Variants in AP3M2 observed in about 807,000 individuals in gnomAD.
The protein encoded by AP3M2 is AP-3 complex subunit mu-2.
A neutral mutation model predicts 41.6 loss-of-function variants in AP3M2; 28 were observed. That is an observed-to-expected ratio of 0.67 (90% CI 0.50 to 0.92). The LOEUF is 0.92. AP3M2 is among the 40% of genes least tolerant of loss of function. The pLI is 0.00. For synonymous variants in AP3M2, 193 were observed against 186.4 expected (o/e 1.04, Z -0.29); for missense variants, 427 against 521.4 (o/e 0.82, Z 1.76).
rs775469276 is a variant in AP3M2, at chr8:42,165,520, G to A, written c.763G>A (p.Gly255Arg). ...CATCCTCTCCTTCATCCCTCCTGAT[G>A]GAAACTTCCGCCTGCTGTCTTACCA... ...ERILSFIPPD[G>R]NFRLLSYHVS... The change falls in exon 6 of 9, where the codon GGA becomes AGA. Residue 255 changes from glycine to arginine, a missense_variant. This residue lies in a region of AP3M2 where 237 missense variants were observed against 284.9 expected (regional missense o/e 0.83). Transcript: ENST00000396926. 2 of 1,614,106 alleles carry A rather than the reference G, an allele frequency of 1.2e-6. No homozygotes were observed. Among genetic ancestry groups the A allele is most frequent in the East Asian group, 2.2e-5 (1 of 44,894 alleles).
rs1804605350 is a variant in AP3M2 at position 42,165,135 on chromosome 8, A to G, written c.648A>G (p.Pro216=). 3 of 1,614,002 alleles carry G rather than the reference A, an allele frequency of 1.9e-6. No homozygotes were observed. In the African/African-American group the frequency reaches 4.0e-5, roughly 22 times the overall value. ...IDACVKLTGM[P]DLTLSFMNPR... is the part of the protein sequence containing the mutation. The stretch of plus-strand genomic sequence containing the variant: ...CCTGTGTCAAGCTGACTGGCATGCC[A>G]GACCTTACACTTTCCTTCATGGTAA... The change falls in exon 5 of 9, where the codon CCA becomes CCG. Residue 216 remains proline (P), a synonymous_variant. Coordinates refer to ENST00000396926, the MANE Select transcript of AP3M2 (RefSeq NM_006803.4).
At chr8:42,168,561 T>G (rs188302619) in intron 8 of AP3M2, among the ~76,000 whole-genome samples, 5 of 152,244 alleles carry the variant, frequency 3.3e-5, no homozygotes, top group African/African-American at 1.2e-4. Context: ...GTGAGAATAC[T>G]TAGGAAGCAT....
intron 4 of AP3M2, among the ~76,000 whole-genome samples, chr8:42,164,508 T>C (rs1262858759): frequency 6.6e-6 from 1 of 152,052 alleles, no homozygotes; most frequent in East Asian, 1.9e-4. Flanking sequence ...TTAAGGGATG[T>C]GCAAAGAAAG....
At chr8:42,166,414 C>A (rs1324111045) in intron 6 of AP3M2, among the ~76,000 whole-genome samples, 1 of 152,016 alleles carries the variant, frequency 6.6e-6, no homozygotes, top group East Asian at 1.9e-4. Context: ...TATTCCGTGA[C>A]TTCTCTGAAT....
At chr8:42,153,577 C>G (rs530989161) in intron 1 of AP3M2, 3 of 152,394 alleles carry the variant, frequency 2.0e-5, no homozygotes, top group South Asian at 2.1e-4. Context: ...CGCGCCGGTT[C>G]GCGGAATGGC....
At chr8:42,160,220 A>G (rs1452315736) in intron 3 of AP3M2, among the ~76,000 whole-genome samples, 2 of 152,180 alleles carry the variant, frequency 1.3e-5, no homozygotes, top group Non-Finnish European at 2.9e-5. Context: ...AATTTGAAAC[A>G]TTTCTGGTCC....
Position 42,165,551 on chromosome 8 carries a change from G to C in AP3M2, c.794G>C (p.Ser265Thr). Residue 265 changes from serine to threonine, a missense_variant, in exon 6 of 9, where the codon AGT (serine) becomes ACT (threonine). Ser to Thr is a moderately conservative substitution (Grantham distance 58). Coordinates refer to ENST00000396926, the MANE Select transcript of AP3M2 (RefSeq NM_006803.4). ...TTCCGCCTGCTGTCTTACCATGTCA[G>C]TGCACAGAAGTAAGCAGCTCTTATA... ...GNFRLLSYHV[S>T]AQNLVAIPVY... 1.2e-6 allele frequency: 2 copies of C among 1,614,146 alleles called. No homozygotes were observed. The highest frequency in any genetic ancestry group is 1.7e-6 in the Non-Finnish European group (2 of 1,180,012).
At chr8:42,161,867 G>T (rs1487720108) in intron 3 of AP3M2, among the ~76,000 whole-genome samples, 1 of 152,082 alleles carries the variant, frequency 6.6e-6, no homozygotes, top group Non-Finnish European at 1.5e-5. Context: ...GTACATTTTA[G>T]TACCTACCAT....
Position 42,167,130 on chromosome 8 carries a change from A to G in AP3M2, c.804-34A>G, listed in dbSNP as rs368182131. 64 of 1,596,676 alleles carry G rather than the reference A, an allele frequency of 4.0e-5. 1 individual carries two copies. In the African/African-American group the frequency reaches 7.2e-4, roughly 18 times the overall value. On this transcript the variant is annotated intron_variant, in intron 6 of 8. Coordinates refer to ENST00000396926, the MANE Select transcript of AP3M2 (RefSeq NM_006803.4). ...GGAAGAACTACCATTTTCCCAGTGC[A>G]CGAATGAAATGACTCTTTGTCTCTC... is the stretch of plus-strand genomic sequence containing the variant.
chr8:42,163,039 A>G (rs1300765777), intron 4 of AP3M2, among the ~76,000 whole-genome samples: 1 of 151,818 alleles, frequency 6.6e-6, no homozygotes, highest in African/African-American at 2.4e-5. Flanking sequence ...TTCTGATGGC[A>G]GAACTAAAGT....
chr8:42,166,652 A>G (rs1045668698), intron 6 of AP3M2, among the ~76,000 whole-genome samples: 4 of 148,738 alleles, frequency 2.7e-5, no homozygotes, highest in Non-Finnish European at 1.5e-5. Flanking sequence ...CTGTGGTCCC[A>G]GCTACTCAGG....
In AP3M2 at chr8:42,169,094, AT is replaced by A; in HGVS notation, c.*39del. The A allele has an allele frequency of 6.5e-7, 1 of 1,534,550 alleles. No individual in the cohort carries two copies. Reference sequence around the variant, plus strand: ...ATTTGCTGAGGGAATAGTCTTGCACATTTTTTCATTTCTTACTTGTCTAAAA... The same window carrying A: ...ATTTGCTGAGGGAATAGTCTTGCACATTTTTCATTTCTTACTTGTCTAAAA... On this transcript the variant is annotated 3_prime_UTR_variant, in exon 9 of 9. Coordinates refer to ENST00000396926, the MANE Select transcript of AP3M2 (RefSeq NM_006803.4).
chr8:42,159,649 T>G (rs1160116923), intron 3 of AP3M2, among the ~76,000 whole-genome samples: 1 of 152,240 alleles, frequency 6.6e-6, no homozygotes, highest in Non-Finnish European at 1.5e-5. Context: ...TTTCTTACAG[T>G]CTATCACTTG....
chr8:42,155,089 C>T (rs1804322305), intron 2 of AP3M2, 129 bp downstream of exon 2: 1 of 748,100 alleles, frequency 1.3e-6, no homozygotes, highest in East Asian at 2.5e-5. Context: ...CTCACTTCCT[C>T]TCCCATCTGA....
Position 42,154,444 on chromosome 8 carries a change from T to A in AP3M2, c.-72-172T>A, listed in dbSNP as rs1378666292. ...ATAACTGGGAGTATATGATTGACAG[T>A]CAGATGACTGATCATTATCGTTTCG... On this transcript the variant is annotated intron_variant, in intron 1 of 8. Transcript: ENST00000396926. 7 of 499,312 alleles carry A rather than the reference T, an allele frequency of 1.4e-5. 1 individual carries two copies. In the East Asian group the frequency reaches 2.1e-4, roughly 15 times the overall value. 30.9% of individuals were successfully genotyped at this position (499,312 alleles called of 1,614,324 possible).
intron 7 of AP3M2, 66 bp downstream of exon 7, chr8:42,167,437 GTAGACTC>G: frequency 6.4e-7 from 1 of 1,574,292 alleles, no homozygotes; most frequent in Non-Finnish European, 8.7e-7. Flanking sequence ...GGTTCTCTGT[GTAGACTC>G]TAGACCTTGT....
At chr8:42,168,321 G>A (rs1377993050) in intron 8 of AP3M2, 2 of 425,696 alleles carry the variant, frequency 4.7e-6, no homozygotes, top group Non-Finnish European at 9.5e-6. Context: ...CATTTACCAT[G>A]TTCCAGGCAC....
At chr8:42,161,060 T>C (rs544299564) in intron 3 of AP3M2, among the ~76,000 whole-genome samples, 25 of 152,298 alleles carry the variant, frequency 1.6e-4, no homozygotes, top group African/African-American at 6.0e-4. Context: ...TCCAATACTT[T>C]AGGAGGCTGA....
chr8:42,164,353 C>T (rs535945755), intron 4 of AP3M2, among the ~76,000 whole-genome samples: 1 of 152,202 alleles, frequency 6.6e-6, no homozygotes, highest in East Asian at 1.9e-4. Context: ...TGGAGATGTC[C>T]ATTAGGCAGG....
Sources: allele counts gnomAD v4.1 joint callset (sites outside exome capture counted in the v4.1 genomes callset), GRCh38; gene constraint gnomAD v4.1.1; regional missense constraint gnomAD v4.1.1; transcripts MANE v1.5; gene names NCBI Gene and HGNC (gene_info 2026-07-23, HGNC 2026-07-21).